KYAT1: variants seen among roughly 807,000 people sequenced by gnomAD.
The protein encoded by KYAT1 is kynurenine--oxoglutarate transaminase 1.
Under a neutral mutation model 52.4 loss-of-function variants are expected in KYAT1, and 47 were observed. That is an observed-to-expected ratio of 0.90 (90% CI 0.71 to 1.14). KYAT1 has a LOEUF of 1.14. Ranked by LOEUF, KYAT1 falls within the 50% of genes most tolerant of loss-of-function variation. The pLI is 0.00. For missense variants in KYAT1, 480 were observed against 557.9 expected (o/e 0.86, Z 1.41); for synonymous variants, 212 against 209.6 (o/e 1.01, Z -0.10).
chr9:128,853,244 A>C (rs780601966), intron 1 of KYAT1, among the ~76,000 whole-genome samples: 1 of 152,238 alleles, frequency 6.6e-6, no homozygotes, highest in Non-Finnish European at 1.5e-5. Flanking sequence ...ATCATTACCC[A>C]AAAACAAAAA....
Position 128,857,025 on chromosome 9 carries a change from G to A in KYAT1, c.-6-11614C>T, listed in dbSNP as rs566527288. Reference sequence around the variant, plus strand: ...TATACATTTGTTCAATTCTGAGATAGGAGAAAAACCGCCCTATGGCGGGAG... The same window carrying A: ...TATACATTTGTTCAATTCTGAGATAAGAGAAAAACCGCCCTATGGCGGGAG... On this transcript the variant is annotated intron_variant, in intron 1 of 12. Coordinates refer to ENST00000302586, the MANE Select transcript of KYAT1 (RefSeq NM_004059.5). Among the ~76,000 whole-genome samples, 1,290 of 152,358 alleles carry A rather than the reference G, an allele frequency of 8.5e-3. 15 individuals are homozygous for A. The highest frequency in any genetic ancestry group is 0.041 in the East Asian group (214 of 5,182).
intron 1 of KYAT1, among the ~76,000 whole-genome samples, chr9:128,863,687 G>A (rs962547246): frequency 2.6e-5 from 4 of 152,114 alleles, no homozygotes; most frequent in Non-Finnish European, 5.9e-5. Context: ...CAGCAACTTG[G>A]CCAGGTTGGT....
Position 128,833,995 on chromosome 9 carries a change from C to T in KYAT1, c.1123-169G>A, listed in dbSNP as rs147402184. Among the ~76,000 whole-genome samples the T allele has an allele frequency of 6.1e-3, 924 of 152,342 alleles. 10 individuals carry two copies. Among genetic ancestry groups the T allele is most frequent in the African/African-American group, 0.02 (842 of 41,578 alleles). On this transcript the variant is annotated intron_variant, in intron 11 of 12. Transcript: ENST00000302586. ...GAACAAGGCCAGGTGCGGTGGCTCACGCCTATAATCCCAGCACTTTGGGAG... is the reference window on the plus strand; with the variant it reads ...GAACAAGGCCAGGTGCGGTGGCTCATGCCTATAATCCCAGCACTTTGGGAG...
At chr9:128,869,752 T>C (rs1037907318) in intron 1 of KYAT1, among the ~76,000 whole-genome samples, 4 of 150,908 alleles carry the variant, frequency 2.7e-5, no homozygotes, top group African/African-American at 9.8e-5. Flanking sequence ...TTCTTGATAA[T>C]GTACTTTTTT....
chr9:128,835,435 A>G (rs1228652073), intron 10 of KYAT1, 33 bp from the exon 11 acceptor site: 2 of 1,613,606 alleles, frequency 1.2e-6, no homozygotes, highest in Non-Finnish European at 1.7e-6. Flanking sequence ...AGCCCCCTGC[A>G]GCCTCCAGCC....
intron 2 of KYAT1, among the ~76,000 whole-genome samples, chr9:128,845,078 C>T (rs1052779585): frequency 2.6e-5 from 4 of 152,120 alleles, no homozygotes; most frequent in South Asian, 2.1e-4. Flanking sequence ...TCCTCCCCAA[C>T]GCTCTCCAGG....
chr9:128,842,515 G>A (rs929918234), intron 3 of KYAT1, 139 bp downstream of exon 3: 7 of 845,488 alleles, frequency 8.3e-6, no homozygotes, highest in Admixed American at 5.8e-5. Flanking sequence ...CAGAGGATAC[G>A]CTCAGTAAAC....
At chr9:128,854,891 A>T (rs1287803148) in intron 1 of KYAT1, among the ~76,000 whole-genome samples, 1 of 152,192 alleles carries the variant, frequency 6.6e-6, no homozygotes, top group Non-Finnish European at 1.5e-5. Flanking sequence ...TGCCTGGGGA[A>T]AGCACCAGGA....
Position 128,837,765 on chromosome 9 carries a change from C to T in KYAT1, c.487G>A (p.Asp163Asn). 1 of 1,614,002 alleles carries T rather than the reference C, an allele frequency of 6.2e-7. No individual in the cohort carries two copies. Among genetic ancestry groups the T allele is most frequent in the Non-Finnish European group, 8.5e-7 (1 of 1,179,954 alleles). ...AATTTGCCGGCCAGCTCCATGGGGTCCAGCTGCCAGTTGCTGCTGGAACCC... is the reference window on the plus strand; with the variant it reads ...AATTTGCCGGCCAGCTCCATGGGGTTCAGCTGCCAGTTGCTGCTGGAACCC... ...ELGSSSNWQLDPMELAGKFTS... is the reference protein window; with the variant it reads ...ELGSSSNWQLNPMELAGKFTS... Residue 163 changes from aspartate to asparagine, a missense_variant, in exon 6 of 13, where the codon GAC (aspartate) becomes AAC (asparagine). Physicochemically the swap from Asp to Asn is conservative, Grantham distance 23. Coordinates refer to ENST00000302586, the MANE Select transcript of KYAT1 (RefSeq NM_004059.5).
At chr9:128,865,359 A>ATTTTTTT (rs776787253) in intron 1 of KYAT1, among the ~76,000 whole-genome samples, 21 of 27,302 alleles carry the variant, frequency 7.7e-4, no homozygotes, top group Non-Finnish European at 1.0e-3. Context: ...ATATATATAT[A>ATTTTTTT]TTTTTTTTTT....
At position 128,835,833 on chromosome 9, in the gene KYAT1, C is replaced by T; in HGVS notation, c.801G>A (p.Lys267=). 6.2e-7 allele frequency: 1 copy of T among 1,614,056 alleles called. No individual in the cohort carries two copies. Among genetic ancestry groups the T allele is most frequent in the Non-Finnish European group, 8.5e-7 (1 of 1,179,972 alleles). ...GWVLGPDHIM[K]HLRTVHQNSV... ...AGTTCTGGTGCACGGTCCGCAGGTG[C>T]TTCATGATGTGATCTGGACCCAGGA... Residue 267 remains lysine (K), a synonymous_variant, in exon 9 of 13, where the codon AAG becomes AAA. Transcript: ENST00000302586.
upstream of KYAT1, chr9:128,882,479 C>T (rs959672511): frequency 2.6e-6 from 1 of 381,702 alleles, no homozygotes; most frequent in African/African-American, 2.1e-5. Context: ...CGAGCCCCCT[C>T]CCAGGCACCC....
At chr9:128,847,723 T>C (rs1296306680) in intron 1 of KYAT1, 1 of 528,688 alleles carries the variant, frequency 1.9e-6, no homozygotes, top group South Asian at 2.9e-5. Flanking sequence ...AAGTGCTCTG[T>C]TGCATGATTA....
chr9:128,876,107 A>C, intron 1 of KYAT1, among the ~76,000 whole-genome samples: 1 of 149,194 alleles, frequency 6.7e-6, no homozygotes, highest in Non-Finnish European at 1.5e-5. Flanking sequence ...CCCTCCCTTT[A>C]CTCTTTTTTT....
At chr9:128,879,416 G>A (rs1838498715) in intron 1 of KYAT1, among the ~76,000 whole-genome samples, 1 of 152,160 alleles carries the variant, frequency 6.6e-6, no homozygotes, top group Non-Finnish European at 1.5e-5. Context: ...TCATGGCTGT[G>A]AAGGCTCCTG....
chr9:128,842,591 G>C, intron 3 of KYAT1, 63 bp downstream of exon 3: 2 of 1,532,422 alleles, frequency 1.3e-6, no homozygotes, highest in Non-Finnish European at 1.8e-6. Flanking sequence ...GTGTGGGCTT[G>C]AAGTCCAGAA....
At chr9:128,853,352 C>G (rs1222207316) in intron 1 of KYAT1, among the ~76,000 whole-genome samples, 2 of 152,132 alleles carry the variant, frequency 1.3e-5, no homozygotes, top group African/African-American at 4.8e-5. Context: ...ATTGTTCCAG[C>G]AATGGAAAAG....
chr9:128,840,160 G>T (rs919576478), intron 3 of KYAT1, among the ~76,000 whole-genome samples: 2 of 151,866 alleles, frequency 1.3e-5, no homozygotes, highest in Admixed American at 1.3e-4. Context: ...TAATGAGGCT[G>T]GGCACAGTGG....
chr9:128,867,066 T>C (rs541356285), intron 1 of KYAT1, among the ~76,000 whole-genome samples: 166 of 152,288 alleles, frequency 1.1e-3, no homozygotes, highest in African/African-American at 3.9e-3. Context: ...AGGTGAGAAT[T>C]TGTGATTTGA....
Sources: gnomAD v4.1 joint callset for allele counts (sites outside exome capture counted in the v4.1 genomes callset) on GRCh38, gnomAD v4.1.1 for gene constraint, MANE v1.5 for transcripts, NCBI Gene and HGNC (gene_info 2026-07-23, HGNC 2026-07-21) for gene names.